RBIS: variants seen among roughly 807,000 people sequenced by gnomAD.
The protein encoded by RBIS is ribosome biogenesis factor identified in screen.
A neutral mutation model predicts 9.8 loss-of-function variants in RBIS; 9 were observed. The ratio of observed to expected loss-of-function variants is 0.92; its 90% CI spans 0.56 to 1.61. The LOEUF is 1.61. Among genes scored for constraint, RBIS ranks in the 40% most tolerant of loss-of-function variants. The pLI, the probability that RBIS is intolerant of heterozygous loss-of-function variation, is 0.00. For synonymous variants in RBIS, 35 were observed against 37.9 expected, an observed-to-expected ratio of 0.92 and a Z score of 0.28; for missense variants, 103 against 116.0, an observed-to-expected ratio of 0.89 and a Z score of 0.51.
At chr8:85,219,236 CT>C (rs1813269056) in intron 1 of RBIS, 1 of 152,188 alleles carries the variant, frequency 6.6e-6, no homozygotes, top group Non-Finnish European at 1.5e-5. Context: ...CCTTTTTTAC[CT>C]TTGCTCAGTC....
At chr8:85,214,753 T>C (rs1181021021) in intron 3 of RBIS, 122 bp from the exon 4 acceptor site, 2 of 794,402 alleles carry the variant, frequency 2.5e-6, no homozygotes, top group African/African-American at 3.5e-5. Context: ...AATCTGTATA[T>C]TCTGACAATG....
chr8:85,215,079 C>G lies in RBIS; in HGVS notation c.115-42G>C, dbSNP rs4150973. The G allele has an allele frequency of 3.2e-5, 25 of 783,034 alleles. No homozygotes were observed. The East Asian group carries it at 3.4e-4, about 11-fold the overall frequency. The allele number at this position is 783,034 out of a possible 1,614,324, so 48.5% of individuals were successfully genotyped here. Reference sequence around the variant, plus strand: ...AAGCATTAATCTATGATCTCATAACCATTAAAGATAAGATATATTCAACCT... The same window carrying G: ...AAGCATTAATCTATGATCTCATAACGATTAAAGATAAGATATATTCAACCT... On this transcript the variant is annotated intron_variant, in intron 2 of 3. Transcript: ENST00000619594.
chr8:85,217,914 TA>T (rs1220609524), intron 1 of RBIS, among the ~76,000 whole-genome samples: 5 of 152,220 alleles, frequency 3.3e-5, no homozygotes, highest in African/African-American at 1.2e-4. Flanking sequence ...TATTCCTTTT[TA>T]CTCTCCCCAC....
At chr8:85,218,137 G>A (rs114194791) in intron 1 of RBIS, among the ~76,000 whole-genome samples, 48 of 152,280 alleles carry the variant, frequency 3.2e-4, no homozygotes, top group African/African-American at 1.1e-3. Context: ...CTTTAATAAT[G>A]TATATGAGGA....
rs537640293 is a variant in RBIS at position 85,216,630 on chromosome 8, G to A, written c.114+756C>T. On this transcript the variant is annotated intron_variant, in intron 2 of 3. Coordinates refer to ENST00000619594, the MANE Select transcript of RBIS (RefSeq NM_001099673.3). ...TTTCAATGTGTCAACTATGAAGACC[G>A]TCCTATATAAACTGTCATCCCCAAA... is the stretch of plus-strand genomic sequence containing the variant. Among the ~76,000 whole-genome samples, 7 of 152,068 alleles carry A rather than the reference G, an allele frequency of 4.6e-5. No individual in the cohort carries two copies. In the East Asian group the frequency reaches 5.8e-4, roughly 13 times the overall value.
rs926995501 is a variant in RBIS at position 85,214,310 on chromosome 8, T to C, written c.*250A>G. The C allele has an allele frequency of 3.4e-6, 2 of 589,492 alleles. No individual in the cohort carries two copies. Among genetic ancestry groups the C allele is most frequent in the Non-Finnish European group, 6.1e-6 (2 of 326,672 alleles). 36.5% of individuals were successfully genotyped at this position (589,492 alleles called of 1,614,324 possible). ...TCACTGCCACTTGTAAAGTGAAGGATGTAAACGAGGATATATAACTGTTTC... is the reference window on the plus strand; with the variant it reads ...TCACTGCCACTTGTAAAGTGAAGGACGTAAACGAGGATATATAACTGTTTC... On this transcript the variant is annotated 3_prime_UTR_variant, in exon 4 of 4. Transcript: ENST00000619594.
rs900939118 is a variant in RBIS, at chr8:85,215,006, C to T, written c.146G>A (p.Arg49Lys). Reference sequence around the variant, plus strand: ...TACATTTACAAAAGCTTTATTTACTCTGTTAACTTTTTCCTCATTCATAAT... The same window carrying T: ...TACATTTACAAAAGCTTTATTTACTTTGTTAACTTTTTCCTCATTCATAAT... ...INIMNEEKVNRVNKAFVNVQK... is the reference protein window; with the variant it reads ...INIMNEEKVNKVNKAFVNVQK... The change falls in exon 3 of 4, where the codon AGA (arginine) becomes AAA (lysine). Residue 49 changes from arginine to lysine, a missense_variant. By Grantham distance (26) the Arg-to-Lys change is conservative. Transcript: ENST00000619594. The T allele has an allele frequency of 6.5e-7, 1 of 1,547,066 alleles. No homozygotes were observed. Among genetic ancestry groups the T allele is most frequent in the African/African-American group, 1.4e-5 (1 of 73,408 alleles).
At chr8:85,218,226 A>G (rs1813223705) in intron 1 of RBIS, among the ~76,000 whole-genome samples, 1 of 152,156 alleles carries the variant, frequency 6.6e-6, no homozygotes, top group Non-Finnish European at 1.5e-5. Flanking sequence ...GCTTTAACTC[A>G]TTTACTCCTT....
Position 85,214,053 on chromosome 8 carries a change from G to A in RBIS, c.*507C>T, listed in dbSNP as rs1563985919. On this transcript the variant is annotated 3_prime_UTR_variant, in exon 4 of 4. Coordinates refer to ENST00000619594, the MANE Select transcript of RBIS (RefSeq NM_001099673.3). ...AAACAAAGGGCTCTGATTGCTTTAG[G>A]GGATAAGTGATTTAATATCCACAAA... 3.4e-6 allele frequency: 2 copies of A among 595,468 alleles called. No homozygotes were observed. The highest frequency in any genetic ancestry group is 1.8e-5 in the South Asian group (1 of 54,606). 36.9% of individuals were successfully genotyped at this position (595,468 alleles called of 1,614,324 possible).
chr8:85,217,691 G>A, intron 1 of RBIS, 189 bp from the exon 2 acceptor site: 1 of 585,088 alleles, frequency 1.7e-6, no homozygotes, highest in Non-Finnish European at 3.0e-6. Flanking sequence ...TACAGAGTAT[G>A]TATCTAATTC....
In RBIS at chr8:85,214,268, T is replaced by C; in HGVS notation, c.*292A>G. Reference sequence around the variant, plus strand: ...AACTGCCTGTATTTCTGTATGTCCTTCTATCCAAACAGACGTTCACTGCCA... The same window carrying C: ...AACTGCCTGTATTTCTGTATGTCCTCCTATCCAAACAGACGTTCACTGCCA... On this transcript the variant is annotated 3_prime_UTR_variant, in exon 4 of 4. Transcript: ENST00000619594. 1 of 566,194 alleles carries C rather than the reference T, an allele frequency of 1.8e-6. No individual in the cohort carries two copies. Among genetic ancestry groups the C allele is most frequent in the Non-Finnish European group, 3.3e-6 (1 of 304,734 alleles). The allele number at this position is 566,194 out of a possible 1,614,324, so 35.1% of individuals were successfully genotyped here. A position where few individuals can be genotyped will look rare whatever the true frequency, so the allele number is the denominator to read the frequency against.
intron 1 of RBIS, chr8:85,219,207 A>C (rs1342822044): frequency 2.0e-5 from 3 of 152,248 alleles, no homozygotes; most frequent in Non-Finnish European, 4.4e-5. Context: ...TCTCTTGCAC[A>C]GACACCTTGA....
At chr8:85,220,091 C>T (rs1007170681) in intron 1 of RBIS, among the ~76,000 whole-genome samples, 5 of 152,056 alleles carry the variant, frequency 3.3e-5, no homozygotes. Flanking sequence ...AGAAACTGAT[C>T]ATGAAAGACA....
At chr8:85,217,607 C>G in intron 1 of RBIS, 105 bp from the exon 2 acceptor site, 1 of 720,320 alleles carries the variant, frequency 1.4e-6, no homozygotes. Flanking sequence ...CTATCTTACT[C>G]TTGATTATTT....
At chr8:85,217,602 T>C (rs1813203904) in intron 1 of RBIS, 100 bp from the exon 2 acceptor site, 1 of 724,046 alleles carries the variant, frequency 1.4e-6, no homozygotes, top group Non-Finnish European at 2.4e-6. Flanking sequence ...AAATTCTATC[T>C]TACTCTTGAT....
chr8:85,217,127 T>C, intron 2 of RBIS: 1 of 599,328 alleles, frequency 1.7e-6, no homozygotes, highest in Non-Finnish European at 2.9e-6. Flanking sequence ...AGTTCTATGG[T>C]TCAGTAAAAC....
At position 85,214,150 on chromosome 8, in the gene RBIS, T is replaced by C. The variant is rs1587506510; in HGVS notation, c.*410A>G. On this transcript the variant is annotated 3_prime_UTR_variant, in exon 4 of 4. Transcript: ENST00000619594. ...TCTAATTGTGAATCCTTCTGTTTTT[T>C]CTTCTTAAGGAGGAAAGTTAAAGGA... is the stretch of plus-strand genomic sequence containing the variant. 1 of 541,332 alleles carries C rather than the reference T, an allele frequency of 1.8e-6. No homozygotes were observed. Among genetic ancestry groups the C allele is most frequent in the Admixed American group, 2.3e-5 (1 of 44,320 alleles). The allele number at this position is 541,332 out of a possible 1,614,324, so 33.5% of individuals were successfully genotyped here. A position where few individuals can be genotyped will look rare whatever the true frequency, so the allele number is the denominator to read the frequency against.
At chr8:85,218,516 T>C (rs890547833) in intron 1 of RBIS, 3 of 151,732 alleles carry the variant, frequency 2.0e-5, no homozygotes, top group Non-Finnish European at 4.4e-5. Context: ...TTTGTCAAAC[T>C]ATGCCCATGG....
At chr8:85,219,514 C>G (rs1419903429) in intron 1 of RBIS, among the ~76,000 whole-genome samples, 2 of 152,184 alleles carry the variant, frequency 1.3e-5, no homozygotes, top group African/African-American at 4.8e-5. Context: ...CTTTGGGAGG[C>G]CGAGGCGGAC....
Sources: gnomAD v4.1 joint callset for allele counts (sites outside exome capture counted in the v4.1 genomes callset) on GRCh38, gnomAD v4.1.1 for gene constraint, MANE v1.5 for transcripts, NCBI Gene and HGNC (gene_info 2026-07-23, HGNC 2026-07-21) for gene names.